Variants in CNTN5 observed in about 807,000 individuals in gnomAD.
CNTN5 encodes the protein contactin 5, also known as contactin-5.
CNTN5 carries 77 observed loss-of-function variants against 129.1 expected under a neutral mutation model. That is an observed-to-expected ratio of 0.60 (90% CI 0.50 to 0.72). The LOEUF (loss-of-function observed/expected upper bound fraction) is 0.72. Among genes scored for constraint, CNTN5 ranks in the 30% least tolerant of loss-of-function variants. CNTN5 has a pLI of 0.00. For synonymous variants in CNTN5, 509 were observed against 465.6 expected, an observed-to-expected ratio of 1.09 and a Z score of -1.20; for missense variants, 1,478 against 1,328.8, an observed-to-expected ratio of 1.11 and a Z score of -1.75.
At chr11:99,868,721 G>A (rs375488140) in intron 6 of CNTN5, among the ~76,000 whole-genome samples, 1 of 152,156 alleles carries the variant, frequency 6.6e-6, no homozygotes, top group East Asian at 1.9e-4. Context: ...AAGATTGACT[G>A]TTGGAGAGTG....
chr11:99,673,890 G>T (rs1953157246), intron 3 of CNTN5, among the ~76,000 whole-genome samples: 1 of 152,072 alleles, frequency 6.6e-6, no homozygotes, highest in African/African-American at 2.4e-5. Flanking sequence ...CTTTGCTATT[G>T]TGAATAGTGC....
chr11:99,597,747 AG>A (rs1173749321), intron 3 of CNTN5, among the ~76,000 whole-genome samples: 4 of 152,144 alleles, frequency 2.6e-5, no homozygotes, highest in Admixed American at 6.6e-5. Context: ...CCATAACCTC[AG>A]GGTACCAAGA....
intron 1 of CNTN5, among the ~76,000 whole-genome samples, chr11:99,193,233 T>A (rs1025448099): frequency 1.3e-5 from 2 of 152,156 alleles, no homozygotes; most frequent in African/African-American, 4.8e-5. Context: ...AAATTTTGGA[T>A]AATATACAAT....
chr11:99,857,091 T>A (rs2135748910), intron 6 of CNTN5, among the ~76,000 whole-genome samples: 1 of 150,974 alleles, frequency 6.6e-6, no homozygotes, highest in Admixed American at 6.6e-5. Flanking sequence ...TCTCTCTCTG[T>A]CTCTGTCTTT....
chr11:99,248,313 GT>G (rs1161700144), intron 1 of CNTN5, among the ~76,000 whole-genome samples: 4 of 152,098 alleles, frequency 2.6e-5, no homozygotes, highest in Admixed American at 2.6e-4. Context: ...GGGGTTGTTT[GT>G]TTTTTTCTTG....
intron 3 of CNTN5, among the ~76,000 whole-genome samples, chr11:99,632,352 A>G (rs1392192152): frequency 6.6e-6 from 1 of 152,102 alleles, no homozygotes; most frequent in Non-Finnish European, 1.5e-5. Context: ...CTGCAACTAG[A>G]GTTCTGTGAT....
intron 8 of CNTN5, among the ~76,000 whole-genome samples, chr11:99,979,016 C>T (rs547405965): frequency 3.3e-4 from 50 of 152,304 alleles, no homozygotes; most frequent in African/African-American, 1.1e-3. Context: ...TCTCTCTAAA[C>T]TTTAGATTCT....
intron 13 of CNTN5, among the ~76,000 whole-genome samples, chr11:100,151,768 G>A (rs1439500526): frequency 6.6e-6 from 1 of 152,026 alleles, no homozygotes; most frequent in African/African-American, 2.4e-5. Flanking sequence ...TTCCAGAAAA[G>A]ACTGACTGCT....
chr11:99,225,550 C>T (rs1860639507), intron 1 of CNTN5, among the ~76,000 whole-genome samples: 2 of 152,118 alleles, frequency 1.3e-5, no homozygotes, highest in Admixed American at 6.6e-5. Context: ...GTTGGATAGG[C>T]ACCAAACATT....
chr11:99,872,178 T>C (rs1490500471), intron 6 of CNTN5, among the ~76,000 whole-genome samples: 1 of 152,048 alleles, frequency 6.6e-6, no homozygotes, highest in Non-Finnish European at 1.5e-5. Flanking sequence ...TCCACCTGTT[T>C]TTATAACAAG....
At chr11:100,133,257 A>G (rs1002661808) in intron 13 of CNTN5, among the ~76,000 whole-genome samples, 3 of 152,078 alleles carry the variant, frequency 2.0e-5, no homozygotes, top group African/African-American at 7.2e-5. Context: ...GCTTTTAGAT[A>G]CTCTGCACAA....
At chr11:100,050,517 C>G (rs939790579) in intron 9 of CNTN5, among the ~76,000 whole-genome samples, 4 of 151,836 alleles carry the variant, frequency 2.6e-5, no homozygotes, top group African/African-American at 4.8e-5. Context: ...GGAGATATAC[C>G]TAATGCTAAA....
intron 9 of CNTN5, among the ~76,000 whole-genome samples, chr11:100,023,606 C>G (rs1397642078): frequency 6.6e-6 from 1 of 152,176 alleles, no homozygotes; most frequent in Non-Finnish European, 1.5e-5. Context: ...TCTACCATTA[C>G]AGTATCATAC....
At chr11:99,303,485 A>C (rs1462639699) in intron 1 of CNTN5, among the ~76,000 whole-genome samples, 5 of 150,966 alleles carry the variant, frequency 3.3e-5, no homozygotes, top group Non-Finnish European at 3.0e-5. Context: ...TGGCAGCATA[A>C]TTATATCTAG....
chr11:99,132,364 C>A (rs2135437203), intron 1 of CNTN5, among the ~76,000 whole-genome samples: 1 of 152,278 alleles, frequency 6.6e-6, no homozygotes, highest in Middle Eastern at 3.4e-3. Flanking sequence ...TGCCCTCTCT[C>A]ACCACTGTTA....
intron 1 of CNTN5, among the ~76,000 whole-genome samples, chr11:99,213,937 A>G (rs1253732594): frequency 6.6e-6 from 1 of 152,158 alleles, no homozygotes; most frequent in African/African-American, 2.4e-5. Context: ...AAGTTGATAA[A>G]AAGATGGATA....
intron 16 of CNTN5, among the ~76,000 whole-genome samples, chr11:100,233,727 G>A (rs2138657247): frequency 6.6e-6 from 1 of 152,110 alleles, no homozygotes. Context: ...GGTGCCATGG[G>A]TTTTGCTAGA....
intron 4 of CNTN5, among the ~76,000 whole-genome samples, chr11:99,831,318 T>C (rs1947131718): frequency 6.6e-6 from 1 of 152,108 alleles, no homozygotes; most frequent in Non-Finnish European, 1.5e-5. Flanking sequence ...AAAAAGTTGT[T>C]GAGATGCTTA....
chr11:99,710,363 C>G (rs914640443), intron 3 of CNTN5, among the ~76,000 whole-genome samples: 1 of 151,750 alleles, frequency 6.6e-6, no homozygotes, highest in African/African-American at 2.4e-5. Context: ...CCCTTTTGTT[C>G]TAAATAATCT....
Sources: allele counts gnomAD v4.1 joint callset (sites outside exome capture counted in the v4.1 genomes callset), GRCh38; gene constraint gnomAD v4.1.1; transcripts MANE v1.5; gene names NCBI Gene and HGNC (gene_info 2026-07-23, HGNC 2026-07-21).